NCEH1: variants seen among roughly 807,000 people sequenced by gnomAD.
NCEH1 encodes 2-acetyl MAGE hydrolase.
A neutral mutation model predicts 25.4 loss-of-function variants in NCEH1; 9 were observed. The observed-to-expected ratio is 0.35, with a 90% CI of 0.21 to 0.62. The LOEUF (loss-of-function observed/expected upper bound fraction) is 0.62, where lower values mean the gene tolerates loss of function less well. Among genes scored for constraint, NCEH1 ranks in the 20% least tolerant of loss-of-function variants. NCEH1 has a pLI of 0.72. For missense variants in NCEH1, 412 were observed against 501.1 expected, an observed-to-expected ratio of 0.82 and a Z score of 1.70; for synonymous variants, 200 against 199.8, an observed-to-expected ratio of 1.00 and a Z score of -0.01.
chr3:172,686,717 C>T (rs988882161), intron 1 of NCEH1, among the ~76,000 whole-genome samples: 10 of 152,326 alleles, frequency 6.6e-5, no homozygotes, highest in African/African-American at 2.4e-4. Flanking sequence ...ATCCTGGGCC[C>T]TTCCAGAAAT....
chr3:172,643,976 T>G (rs552296500), intron 3 of NCEH1, among the ~76,000 whole-genome samples: 15 of 152,322 alleles, frequency 9.8e-5, no homozygotes, highest in African/African-American at 3.6e-4. Flanking sequence ...CAAACTGCAC[T>G]GACAACCCTT....
At chr3:172,654,467 A>G (rs1560187090) in intron 1 of NCEH1, among the ~76,000 whole-genome samples, 1 of 152,214 alleles carries the variant, frequency 6.6e-6, no homozygotes, top group Non-Finnish European at 1.5e-5. Flanking sequence ...AGATATTCCA[A>G]TGTTTCTAGG....
At chr3:172,700,664 A>G (rs947576668) in intron 1 of NCEH1, among the ~76,000 whole-genome samples, 12 of 152,060 alleles carry the variant, frequency 7.9e-5, no homozygotes, top group African/African-American at 2.7e-4. Flanking sequence ...CTGGCTAACT[A>G]TGTTTTGTAG....
chr3:172,701,173 T>C (rs1713653624), intron 1 of NCEH1, among the ~76,000 whole-genome samples: 1 of 152,184 alleles, frequency 6.6e-6, no homozygotes, highest in African/African-American at 2.4e-5. Context: ...CTGTTTATGA[T>C]CAGCCATCCT....
In NCEH1 at chr3:172,632,045, G is replaced by C. The variant is rs531579906; in HGVS notation, c.*1430C>G. 6.6e-6 allele frequency: 1 copy of C among 152,596 alleles called. No homozygotes were observed. Among genetic ancestry groups the C allele is most frequent in the African/African-American group, 2.4e-5 (1 of 41,424 alleles). The allele number at this position is 152,596 out of a possible 1,614,324, so 9.5% of individuals were successfully genotyped here. ...GACCTGGCTGGAAGGAGGAGATGGG[G>C]GATCTAGGCAACACCAGGTGCCAGT... On this transcript the variant is annotated 3_prime_UTR_variant, in exon 5 of 5. Transcript: ENST00000475381.
rs113302026 is a variant in NCEH1, at chr3:172,705,602, T to G, written c.138+5245A>C. ...CTGGACTGTAGAAAGACAGATATGTTGTCCAGCCTCCTGCCAATGCCCCTT... is the reference window on the plus strand; with the variant it reads ...CTGGACTGTAGAAAGACAGATATGTGGTCCAGCCTCCTGCCAATGCCCCTT... On this transcript the variant is annotated intron_variant, in intron 1 of 4. Transcript: ENST00000475381. 9.4e-3 allele frequency among the ~76,000 whole-genome samples: 1,436 copies of G among 152,290 alleles called. 16 individuals carry two copies. The highest frequency in any genetic ancestry group is 0.048 in the South Asian group (232 of 4,828).
At chr3:172,705,809 C>A (rs1007385970) in intron 1 of NCEH1, among the ~76,000 whole-genome samples, 5 of 152,040 alleles carry the variant, frequency 3.3e-5, no homozygotes, top group Non-Finnish European at 7.4e-5. Context: ...CCAGCCTGAC[C>A]AACATGGTGA....
At chr3:172,685,893 G>T (rs1712669504) in intron 1 of NCEH1, among the ~76,000 whole-genome samples, 1 of 152,200 alleles carries the variant, frequency 6.6e-6, no homozygotes, top group Non-Finnish European at 1.5e-5. Context: ...GAATGTCAGA[G>T]CTGGAAGGAA....
chr3:172,636,783 G>C (rs1040601824), intron 3 of NCEH1, among the ~76,000 whole-genome samples: 3 of 152,180 alleles, frequency 2.0e-5, no homozygotes, highest in African/African-American at 7.2e-5. Context: ...TGTACACCTA[G>C]TAGAATTCAT....
rs138680088 is a variant in NCEH1 at position 172,655,736 on chromosome 3, C to T, written c.139-7622G>A. Among the ~76,000 whole-genome samples, 90 of 152,306 alleles carry T rather than the reference C, an allele frequency of 5.9e-4. 1 individual carries two copies. The East Asian group carries it at 0.013, about 22-fold the overall frequency. ...CAACCCAACTCTGATCAAAGCACAG[C>T]GCTGAGCACCATTTCTGGGAGGATT... On this transcript the variant is annotated intron_variant, in intron 1 of 4. Transcript: ENST00000475381.
chr3:172,664,894 G>A lies in NCEH1; in HGVS notation c.139-16780C>T, dbSNP rs537559769. On this transcript the variant is annotated intron_variant, in intron 1 of 4. Coordinates refer to ENST00000475381, the MANE Select transcript of NCEH1 (RefSeq NM_020792.6). ...TCTAGGTTTTTAGCTTCTTTGTGAT[G>A]GGTTCGAACATCCTCCTTTAGCTGG... Among the ~76,000 whole-genome samples the A allele has an allele frequency of 2.0e-5, 3 of 152,200 alleles. No individual in the cohort carries two copies. The South Asian group carries it at 6.2e-4, about 32-fold the overall frequency.
Position 172,633,624 on chromosome 3 carries a change from G to A in NCEH1, c.1078C>T (p.Arg360Cys), listed in dbSNP as rs754761491. The A allele has an allele frequency of 5.6e-6, 9 of 1,614,018 alleles. No homozygotes were observed. Among genetic ancestry groups the A allele is most frequent in the African/African-American group, 4.0e-5 (3 of 74,918 alleles). Residue 360 changes from arginine (R) to cysteine (C), a missense_variant, in exon 5 of 5, where the codon CGT (arginine) becomes TGT (cysteine). Arg to Cys is a radical substitution (Grantham distance 180). Transcript: ENST00000475381. The stretch of plus-strand genomic sequence containing the variant: ...ACCTCCACACCGGCACTCTCCAAAC[G>A]CTTGGCATACATGATGCCATCGTCT... ...LRDDGIMYAKRLESAGVEVTL... is the reference protein window; with the variant it reads ...LRDDGIMYAKCLESAGVEVTL...
intron 1 of NCEH1, among the ~76,000 whole-genome samples, chr3:172,676,356 T>A (rs950793615): frequency 6.6e-6 from 1 of 152,154 alleles, no homozygotes; most frequent in Non-Finnish European, 1.5e-5. Flanking sequence ...TGCCTTCTTC[T>A]TGTCACCATG....
At chr3:172,706,832 G>GA (rs1047195094) in intron 1 of NCEH1, among the ~76,000 whole-genome samples, 4 of 151,902 alleles carry the variant, frequency 2.6e-5, no homozygotes, top group Admixed American at 2.6e-4. Context: ...GCAAATAAAA[G>GA]AAAAAAAGAT....
intron 1 of NCEH1, among the ~76,000 whole-genome samples, chr3:172,699,145 G>C (rs946016177): frequency 6.6e-6 from 1 of 152,230 alleles, no homozygotes; most frequent in African/African-American, 2.4e-5. Flanking sequence ...GAGAGGGAAA[G>C]AGACGGGGAA....
chr3:172,653,074 C>G (rs1024945662), intron 1 of NCEH1, among the ~76,000 whole-genome samples: 2 of 152,056 alleles, frequency 1.3e-5, no homozygotes, highest in Non-Finnish European at 2.9e-5. Context: ...TTTTAAGGGC[C>G]TAATGGGCTG....
At chr3:172,683,609 T>G (rs1262184996) in intron 1 of NCEH1, among the ~76,000 whole-genome samples, 1 of 138,524 alleles carries the variant, frequency 7.2e-6, no homozygotes, top group Non-Finnish European at 1.5e-5. Context: ...AGACTGGAGG[T>G]TGAAGTTATA....
At chr3:172,686,119 C>A (rs1712681917) in intron 1 of NCEH1, among the ~76,000 whole-genome samples, 1 of 152,204 alleles carries the variant, frequency 6.6e-6, no homozygotes, top group Admixed American at 6.5e-5. Context: ...CTTAACTCTG[C>A]TTAAACTTTA....
At chr3:172,639,832 C>T (rs1292143594) in intron 3 of NCEH1, among the ~76,000 whole-genome samples, 1 of 152,128 alleles carries the variant, frequency 6.6e-6, no homozygotes, top group African/African-American at 2.4e-5. Flanking sequence ...GACCATATTC[C>T]TGCTGGGTGA....
Sources: gnomAD v4.1 joint callset for allele counts (sites outside exome capture counted in the v4.1 genomes callset) on GRCh38, gnomAD v4.1.1 for gene constraint, MANE v1.5 for transcripts, NCBI Gene and HGNC (gene_info 2026-07-23, HGNC 2026-07-21) for gene names.